Variants in PXMP2 observed in about 807,000 individuals in gnomAD.
The protein encoded by PXMP2 is peroxisomal membrane protein 2.
PXMP2 carries 13 observed loss-of-function variants against 20.2 expected under a neutral mutation model. That is an observed-to-expected ratio of 0.64 (90% CI 0.42 to 1.02). The LOEUF is 1.02. PXMP2 is among the 50% of genes least tolerant of loss of function. The probability of loss-of-function intolerance (pLI) is 0.00; values close to 1 mark genes in which losing one functional copy is unlikely to be tolerated. For synonymous variants in PXMP2, 113 were observed against 111.2 expected (o/e 1.02, Z -0.10); for missense variants, 284 against 251.8 (o/e 1.13, Z -0.87).
rs371506840 is a variant in PXMP2, at chr12:132,701,319, C to A, written c.469C>A (p.Arg157=). 1.2e-6 allele frequency: 2 copies of A among 1,612,750 alleles called. No individual in the cohort carries two copies. The highest frequency in any genetic ancestry group is 2.2e-5 in the East Asian group (1 of 44,714). Residue 157 remains arginine, a synonymous_variant, in exon 4 of 5, where the codon CGG becomes AGG. Transcript: ENST00000317479. ...CTGGCCGGCGCTGAGGATGAACTGG[C>A]GGGTGTGGACGCCACTACAGTTCAT... ...GFWPALRMNW[R]VWTPLQFINI...
intron 4 of PXMP2, among the ~76,000 whole-genome samples, chr12:132,703,952 G>A (rs528521173): frequency 5.9e-5 from 9 of 152,286 alleles, no homozygotes; most frequent in South Asian, 2.1e-4. Context: ...CTGGGAAGCC[G>A]CGCCTCTGAG....
chr12:132,688,410 C>G (rs372859418), intron 1 of PXMP2, among the ~76,000 whole-genome samples: 16 of 7,700 alleles, frequency 2.1e-3, no homozygotes, highest in Admixed American at 3.2e-3. Flanking sequence ...GTGAAGACAG[C>G]GCCAGGGGAG....
chr12:132,694,130 C>T (rs1281304561), intron 2 of PXMP2, among the ~76,000 whole-genome samples: 116 of 127,644 alleles, frequency 9.1e-4, no homozygotes, highest in African/African-American at 3.5e-3. Flanking sequence ...AGTTAGTGAG[C>T]GCCCTTGCCA....
chr12:132,699,937 T>C (rs912187608), intron 3 of PXMP2, among the ~76,000 whole-genome samples: 1 of 152,186 alleles, frequency 6.6e-6, no homozygotes, highest in Non-Finnish European at 1.5e-5. Flanking sequence ...TTTGAGAAAT[T>C]TCCATACTGT....
Position 132,687,655 on chromosome 12 carries a change from C to A in PXMP2, c.-16C>A, listed in dbSNP as rs1317421974. 6.9e-6 allele frequency: 8 copies of A among 1,155,044 alleles called. No homozygotes were observed. The East Asian group carries it at 3.3e-4, about 48-fold the overall frequency. 71.5% of individuals were successfully genotyped at this position (1,155,044 alleles called of 1,614,324 possible). A position where few individuals can be genotyped will look rare whatever the true frequency, so the allele number is the denominator to read the frequency against. ...GGTGGGGTCGGTGCCCCCGGCGGCA[C>A]GGCGCTGGGGAGGCGATGGCGCCGG... On this transcript the variant is annotated 5_prime_UTR_variant, in exon 1 of 5. Transcript: ENST00000317479.
chr12:132,704,660 T>G lies in PXMP2; in HGVS notation c.561T>G (p.Tyr187Ter). Residue 187 changes from tyrosine (Y) to a stop codon, truncating the protein, a stop_gained, in exon 5 of 5, where the codon TAT (tyrosine) becomes TAG (stop). Coordinates refer to ENST00000317479, the MANE Select transcript of PXMP2 (RefSeq NM_018663.3). LOFTEE classifies it high-confidence loss of function. ...CCAACCTGGCAGCTCTGTTCTGGTA[T>G]GCCTACCTGGCCTCCTTGGGGAAGT... is the stretch of plus-strand genomic sequence containing the variant. The part of the protein sequence containing the change: ...LFANLAALFW[Y>*]AYLASLGK 1 of 1,543,982 alleles carries G rather than the reference T, an allele frequency of 6.5e-7. No individual in the cohort carries two copies. Among genetic ancestry groups the G allele is most frequent in the Non-Finnish European group, 8.8e-7 (1 of 1,141,814 alleles).
At chr12:132,702,987 G>A (rs1004200603) in intron 4 of PXMP2, among the ~76,000 whole-genome samples, 1 of 152,226 alleles carries the variant, frequency 6.6e-6, no homozygotes, top group Non-Finnish European at 1.5e-5. Flanking sequence ...CTTAGCCAAA[G>A]TTGCCAGGAG....
Position 132,694,470 on chromosome 12 carries a change from T to G in PXMP2, c.237-1414T>G, listed in dbSNP as rs76482000. 4.5e-3 allele frequency among the ~76,000 whole-genome samples: 317 copies of G among 69,920 alleles called. 8 individuals are homozygous for G. The highest frequency in any genetic ancestry group is 0.016 in the Middle Eastern group (2 of 124). 45.9% of individuals were successfully genotyped at this position (69,920 alleles called of 152,430 possible). A position where few individuals can be genotyped will look rare whatever the true frequency, so the allele number is the denominator to read the frequency against. ...GAGCTCCCTTAGCCAGTTAGTGAGC[T>G]CCCTTAGCCAGTTAGTTAGTGAGCG... On this transcript the variant is annotated intron_variant, in intron 2 of 4. Transcript: ENST00000317479.
intron 4 of PXMP2, 166 bp downstream of exon 4, chr12:132,701,535 A>G (rs2043441965): frequency 4.2e-6 from 4 of 962,460 alleles, no homozygotes; most frequent in African/African-American, 1.7e-5. Flanking sequence ...AGACTCCTCA[A>G]CTACCCTTGG....
intron 3 of PXMP2, among the ~76,000 whole-genome samples, chr12:132,700,703 C>G (rs2043434274): frequency 6.6e-6 from 1 of 151,984 alleles, no homozygotes; most frequent in Non-Finnish European, 1.5e-5. Flanking sequence ...TTTGGTTTTG[C>G]TGTATTTGCT....
At chr12:132,700,766 C>T (rs1415823542) in intron 3 of PXMP2, among the ~76,000 whole-genome samples, 2 of 151,460 alleles carry the variant, frequency 1.3e-5, no homozygotes, top group Middle Eastern at 3.5e-3. Context: ...AGAGGAATTG[C>T]TCCTAGGATC....
chr12:132,694,602 CAGTTAGTGAGCTCCCTTAGCT>C (rs2043397972), intron 2 of PXMP2, among the ~76,000 whole-genome samples: 1 of 108,596 alleles, frequency 9.2e-6, no homozygotes, highest in Non-Finnish European at 1.9e-5. Flanking sequence ...CTCCCTTAGC[CAGTTAGTGAGCTCCCTTAGCT>C]AGTTAGAGAG....
At chr12:132,689,577 G>A (rs1386806923) in intron 1 of PXMP2, among the ~76,000 whole-genome samples, 1 of 152,186 alleles carries the variant, frequency 6.6e-6, no homozygotes, top group African/African-American at 2.4e-5. Flanking sequence ...TGATCGAGAA[G>A]GTGTCTAGGT....
intron 2 of PXMP2, among the ~76,000 whole-genome samples, chr12:132,692,668 TA>T (rs201046735): frequency 0.046 from 3,450 of 74,798 alleles, 2 homozygotes; most frequent in Non-Finnish European, 0.073. Flanking sequence ...TGAGCGCCCT[TA>T]GCCAGTTAGT....
At chr12:132,689,298 TCCGCACGGCGC>T (rs563015996) in intron 1 of PXMP2, among the ~76,000 whole-genome samples, 8 of 151,816 alleles carry the variant, frequency 5.3e-5, no homozygotes, top group African/African-American at 1.9e-4. Flanking sequence ...GGGGCGCGGG[TCCGCACGGCGC>T]GGGTGGAGAC....
intron 4 of PXMP2, among the ~76,000 whole-genome samples, chr12:132,703,548 G>A (rs1003351678): frequency 2.0e-5 from 3 of 152,186 alleles, no homozygotes; most frequent in South Asian, 2.1e-4. Flanking sequence ...ACAGCTGAGC[G>A]GACAGGAGAG....
In PXMP2 at chr12:132,687,758, C is replaced by A; in HGVS notation, c.88C>A (p.Arg30=). ...GCTCGCCCAGTACCTGCTCTTCCTGCGGCTCTACCCGGTGCTCACCAAGGC... is the reference window on the plus strand; with the variant it reads ...GCTCGCCCAGTACCTGCTCTTCCTGAGGCTCTACCCGGTGCTCACCAAGGC... ...RALAQYLLFL[R]LYPVLTKAAT... The change falls in exon 1 of 5, where the codon CGG becomes AGG. Residue 30 remains arginine (R), a synonymous_variant. Transcript: ENST00000317479. 3 of 1,206,706 alleles carry A rather than the reference C, an allele frequency of 2.5e-6. No homozygotes were observed. Among genetic ancestry groups the A allele is most frequent in the East Asian group, 4.0e-5 (1 of 24,800 alleles). 74.7% of individuals were successfully genotyped at this position (1,206,706 alleles called of 1,614,324 possible). A position where few individuals can be genotyped will look rare whatever the true frequency, so the allele number is the denominator to read the frequency against.
intron 2 of PXMP2, among the ~76,000 whole-genome samples, chr12:132,693,962 G>T (rs2043390552): frequency 1.1e-5 from 1 of 93,804 alleles, no homozygotes; most frequent in Non-Finnish European, 2.3e-5. Flanking sequence ...GTTAGTTAGT[G>T]AGCTCCCTTA....
intron 4 of PXMP2, 86 bp from the exon 5 acceptor site, chr12:132,704,533 T>A: frequency 1.8e-6 from 2 of 1,113,866 alleles, no homozygotes; most frequent in South Asian, 4.6e-5. Flanking sequence ...AACAAACGGG[T>A]AAACAAATGA....
Sources: gnomAD v4.1 joint callset for allele counts (sites outside exome capture counted in the v4.1 genomes callset) on GRCh38, gnomAD v4.1.1 for gene constraint, MANE v1.5 for transcripts, NCBI Gene and HGNC (gene_info 2026-07-23, HGNC 2026-07-21) for gene names.